SDK2: variants seen among roughly 807,000 people sequenced by gnomAD.
SDK2 encodes the protein sidekick cell adhesion molecule 2, also known as protein sidekick-2.
A neutral mutation model predicts 253.9 loss-of-function variants in SDK2; 105 were observed. The ratio of observed to expected loss-of-function variants is 0.41; its 90% confidence interval spans 0.35 to 0.49. The LOEUF is 0.49. Among genes scored for constraint, SDK2 ranks in the 20% least tolerant of loss-of-function variants. The pLI is 0.06. For synonymous variants in SDK2, 1,249 were observed against 1,234.9 expected (o/e 1.01, Z -0.24); for missense variants, 2,608 against 3,003.0 (o/e 0.87, Z 3.07).
At chr17:73,579,190 C>CCT (rs1286388004) in intron 1 of SDK2, among the ~76,000 whole-genome samples, 1 of 152,200 alleles carries the variant, frequency 6.6e-6, no homozygotes, top group Non-Finnish European at 1.5e-5. Flanking sequence ...CCTTCAAGAG[C>CCT]CTCTCACTCA....
At position 73,433,828 on chromosome 17, in the gene SDK2, T is replaced by C; in HGVS notation, c.1216A>G (p.Arg406Gly). 1.2e-5 allele frequency: 19 copies of C among 1,580,598 alleles called. No homozygotes were observed. The highest frequency in any genetic ancestry group is 1.6e-5 in the Non-Finnish European group (19 of 1,164,190). ...AVTSIAPNIT[R>G]GPLDSTVIDG... ...ATCACCGTGCTGTCCAGGGGGCCTC[T>C]GGTGATGTTAGGGGCGATGCCTGCA... The change falls in exon 10 of 45, where the codon AGA (arginine) becomes GGA (glycine). Residue 406 changes from arginine to glycine, a missense_variant. This residue lies in a region of SDK2 where 1,505 missense variants were observed against 1,859.1 expected (regional missense o/e 0.81). Transcript: ENST00000392650.
rs1385005092 is a variant in SDK2, at chr17:73,616,364, C to T, written c.64+27661G>A. ...CAGCCCCAGCTCAGCATCCCACACA[C>T]ACATGCAGGCTCAGGAAGGAGAAAA... On this transcript the variant is annotated intron_variant, in intron 1 of 44. Coordinates refer to ENST00000392650, the MANE Select transcript of SDK2 (RefSeq NM_001144952.2). The surrounding 1 kb of genome is among the most constrained non-coding windows in gnomAD (Gnocchi z 5.2). 2.0e-5 allele frequency among the ~76,000 whole-genome samples: 3 copies of T among 152,116 alleles called. No homozygotes were observed. The highest frequency in any genetic ancestry group is 4.4e-5 in the Non-Finnish European group (3 of 68,026).
chr17:73,412,024 ATG>A (rs879373427), intron 18 of SDK2, among the ~76,000 whole-genome samples: 92,832 of 111,846 alleles, frequency 0.83, 37,505 homozygotes, highest in Non-Finnish European at 0.87. Flanking sequence ...ATATACGTAT[ATG>A]TATATATACG....
intron 19 of SDK2, 74 bp from the exon 20 acceptor site, chr17:73,401,826 C>A: frequency 7.0e-7 from 1 of 1,435,458 alleles, no homozygotes; most frequent in Non-Finnish European, 9.6e-7. Context: ...GTGAGATAGC[C>A]TGTGGTAATC....
At position 73,449,475 on chromosome 17, in the gene SDK2, G is replaced by A. The variant is rs567457251; in HGVS notation, c.480-1727C>T. ...TCCCAGCCCGGCTGTGCTGGTTTTCGCCCCACTCTCTCCTGGTTTTGGTGC... is the reference window on the plus strand; with the variant it reads ...TCCCAGCCCGGCTGTGCTGGTTTTCACCCCACTCTCTCCTGGTTTTGGTGC... On this transcript the variant is annotated intron_variant, in intron 4 of 44. Coordinates refer to ENST00000392650, the MANE Select transcript of SDK2 (RefSeq NM_001144952.2). Among the ~76,000 whole-genome samples, 4 of 151,888 alleles carry A rather than the reference G, an allele frequency of 2.6e-5. No homozygotes were observed. In the East Asian group the frequency reaches 5.8e-4, roughly 22 times the overall value.
rs2063982231 is a variant in SDK2 at position 73,511,710 on chromosome 17, A to G, written c.65-4113T>C. ...GTCAACCTGCCCCCTGGATACAGGG[A>G]TCCTGGGAGGGACGCCCTACCTAGG... On this transcript the variant is annotated intron_variant, in intron 1 of 44. Transcript: ENST00000392650. The surrounding 1 kb of genome is among the most constrained non-coding windows in gnomAD (Gnocchi z 4.9). Among the ~76,000 whole-genome samples, 1 of 152,104 alleles carries G rather than the reference A, an allele frequency of 6.6e-6. No homozygotes were observed. The highest frequency in any genetic ancestry group is 2.4e-5 in the African/African-American group (1 of 41,430).
At chr17:73,562,586 G>GT (rs1342742888) in intron 1 of SDK2, among the ~76,000 whole-genome samples, 4 of 152,100 alleles carry the variant, frequency 2.6e-5, no homozygotes, top group Non-Finnish European at 5.9e-5. Context: ...GAAGGCAGGC[G>GT]TGGGAGGGGG....
chr17:73,403,258 G>T (rs1395141047), intron 18 of SDK2, among the ~76,000 whole-genome samples: 1 of 152,180 alleles, frequency 6.6e-6, no homozygotes. Context: ...ACTTCCTACA[G>T]AGCTGGGAAC....
At chr17:73,366,517 A>G (rs2062686865) in intron 37 of SDK2, among the ~76,000 whole-genome samples, 1 of 152,160 alleles carries the variant, frequency 6.6e-6, no homozygotes, top group Non-Finnish European at 1.5e-5. Context: ...TAAAAGCCAC[A>G]TGTCACTGAC....
rs555142713 is a variant in SDK2 at position 73,338,118 on chromosome 17, C to T, written c.*469G>A. On this transcript the variant is annotated 3_prime_UTR_variant, in exon 45 of 45. Transcript: ENST00000392650. The surrounding 1 kb of genome is among the most constrained non-coding windows in gnomAD (Gnocchi z 5.0). ...AGAGAGAGAAGATAGGCGTGGCCTC[C>T]GGGATGCCCATTCTTTTTGCAGAGA... The T allele has an allele frequency of 6.5e-5, 17 of 260,308 alleles. No individual in the cohort carries two copies. Among genetic ancestry groups the T allele is most frequent in the Admixed American group, 2.6e-4 (5 of 19,332 alleles). 16.1% of individuals were successfully genotyped at this position (260,308 alleles called of 1,614,324 possible). A position where few individuals can be genotyped will look rare whatever the true frequency, so the allele number is the denominator to read the frequency against.
At chr17:73,576,799 C>G (rs2045463905) in intron 1 of SDK2, among the ~76,000 whole-genome samples, 1 of 152,156 alleles carries the variant, frequency 6.6e-6, no homozygotes, top group Admixed American at 6.5e-5. Flanking sequence ...GCTATAAAAC[C>G]TTCAGCCTTA....
In SDK2 at chr17:73,455,961, G is replaced by C; in HGVS notation, c.424C>G (p.Gln142Glu). ...TCCCGGAACCAGGTCACCTGTGGCT[G>C]GGGGAAGCTGGCGATGCGCGGGGCA... is the stretch of plus-strand genomic sequence containing the variant. The part of the protein sequence containing the change: ...IRAPRIASFP[Q>E]PQVTWFRDGR... The change falls in exon 4 of 45, where the codon CAG becomes GAG. Residue 142 changes from glutamine (Q) to glutamate (E), a missense_variant. Transcript: ENST00000392650. This position sits in a 1 kb window ranked among gnomAD's most constrained non-coding sequence, Gnocchi z 5.0. The C allele has an allele frequency of 6.5e-7, 1 of 1,548,312 alleles. No homozygotes were observed. Among genetic ancestry groups the C allele is most frequent in the Non-Finnish European group, 8.7e-7 (1 of 1,146,244 alleles).
chr17:73,444,595 C>A (rs1465497452), intron 5 of SDK2, among the ~76,000 whole-genome samples: 1 of 152,352 alleles, frequency 6.6e-6, no homozygotes, highest in Non-Finnish European at 1.5e-5. Flanking sequence ...CCCTGAATCA[C>A]CTCATTGAAT....
In SDK2 at chr17:73,616,258, C is replaced by T. The variant is rs79676286; in HGVS notation, c.64+27767G>A. Among the ~76,000 whole-genome samples the T allele has an allele frequency of 4.8e-3, 738 of 152,224 alleles. 6 individuals are homozygous for T. The highest frequency in any genetic ancestry group is 0.017 in the African/African-American group (699 of 41,514). On this transcript the variant is annotated intron_variant, in intron 1 of 44. Transcript: ENST00000392650. This position sits in a 1 kb window ranked among gnomAD's most constrained non-coding sequence, Gnocchi z 5.2. ...CTCGGCAGCCCCAGGCATCCCGGTG[C>T]TGCTTGCCTTCCCCACCCTCTCCCC...
In SDK2 at chr17:73,570,564, C is replaced by T. The variant is rs1193393836; in HGVS notation, c.65-62967G>A. 1.3e-5 allele frequency among the ~76,000 whole-genome samples: 2 copies of T among 152,124 alleles called. No individual in the cohort carries two copies. Among genetic ancestry groups the T allele is most frequent in the East Asian group, 1.9e-4 (1 of 5,184 alleles). On this transcript the variant is annotated intron_variant, in intron 1 of 44. Transcript: ENST00000392650. The surrounding 1 kb of genome is among the most constrained non-coding windows in gnomAD (Gnocchi z 4.2). ...GGTGAGGCTGATGGTGGTGATGTTG[C>T]CACCTTCCACTGAGCGCTGACTACC... is the stretch of plus-strand genomic sequence containing the variant.
intron 2 of SDK2, among the ~76,000 whole-genome samples, chr17:73,486,484 C>T (rs1248641638): frequency 6.6e-6 from 1 of 152,024 alleles, no homozygotes; most frequent in Non-Finnish European, 1.5e-5. Context: ...GAGGTATGTG[C>T]TTGTAGTCCC....
chr17:73,416,025 G>C (rs753800824), intron 16 of SDK2, 33 bp from the exon 17 acceptor site: 3 of 1,588,044 alleles, frequency 1.9e-6, no homozygotes, highest in Middle Eastern at 3.4e-4. Flanking sequence ...AGTGGAGTCA[G>C]AGTCAGCTTC....
At chr17:73,507,112 G>T (rs2063941868) in intron 2 of SDK2, among the ~76,000 whole-genome samples, 2 of 152,212 alleles carry the variant, frequency 1.3e-5, no homozygotes, top group Admixed American at 6.5e-5. Context: ...AGTGAGCAGG[G>T]GGCCACAGTC....
At chr17:73,508,619 C>T (rs1005274431) in intron 1 of SDK2, among the ~76,000 whole-genome samples, 1 of 152,194 alleles carries the variant, frequency 6.6e-6, no homozygotes, top group African/African-American at 2.4e-5. Context: ...ACCATATGCT[C>T]GTCTAATCTT....
Sources: allele counts gnomAD v4.1 joint callset (sites outside exome capture counted in the v4.1 genomes callset), GRCh38; gene constraint gnomAD v4.1.1; regional missense constraint gnomAD v4.1.1; non-coding constraint Gnocchi (gnomAD v3.1); transcripts MANE v1.5; gene names NCBI Gene and HGNC (gene_info 2026-07-23, HGNC 2026-07-21).